Variants in PDE4D observed in about 807,000 individuals in gnomAD.
The protein encoded by PDE4D is 3',5'-cyclic-AMP phosphodiesterase 4D.
In PDE4D, 24 loss-of-function variants were observed where a neutral mutation model predicts 87.4. The observed-to-expected ratio is 0.27, with a 90% CI of 0.20 to 0.39. The LOEUF (loss-of-function observed/expected upper bound fraction) is 0.39. PDE4D is among the 10% of genes least tolerant of loss of function. The pLI is 1.00. For synonymous variants in PDE4D, 384 were observed against 383.2 expected (o/e 1.00, Z -0.02); for missense variants, 714 against 1,041.0 (o/e 0.69, Z 4.32).
chr5:60,344,004 T>C (rs1758531138), intron 1 of PDE4D, among the ~76,000 whole-genome samples: 1 of 151,906 alleles, frequency 6.6e-6, no homozygotes, highest in Non-Finnish European at 1.5e-5. Flanking sequence ...ATCCACATTT[T>C]CCAAATTAGA....
At chr5:60,257,248 GAAAGA>G (rs1554193810) in intron 1 of PDE4D, among the ~76,000 whole-genome samples, 1 of 90,216 alleles carries the variant, frequency 1.1e-5, no homozygotes, top group Admixed American at 1.1e-4. Flanking sequence ...AAGAAAGAAA[GAAAGA>G]AAAGAAAAGA....
chr5:59,383,263 G>C (rs181226203), intron 1 of PDE4D, among the ~76,000 whole-genome samples: 1 of 151,978 alleles, frequency 6.6e-6, no homozygotes, highest in Admixed American at 6.6e-5. Context: ...CCCCATTCAC[G>C]ATCTCACTTA....
At chr5:59,495,980 C>T (rs1807107627) in intron 1 of PDE4D, among the ~76,000 whole-genome samples, 1 of 152,158 alleles carries the variant, frequency 6.6e-6, no homozygotes, top group African/African-American at 2.4e-5. Flanking sequence ...CACCTTATCA[C>T]AAGGACGAGG....
chr5:59,150,233 CA>C (rs1456293731), intron 5 of PDE4D, among the ~76,000 whole-genome samples: 1 of 152,100 alleles, frequency 6.6e-6, no homozygotes, highest in Non-Finnish European at 1.5e-5. Flanking sequence ...TCAAGCTCTG[CA>C]GTAGTATCAC....
chr5:59,657,442 C>T (rs1346216113), intron 1 of PDE4D, among the ~76,000 whole-genome samples: 1 of 152,044 alleles, frequency 6.6e-6, no homozygotes, highest in African/African-American at 2.4e-5. Context: ...CTCTCCAAAT[C>T]ATTAGAGCTC....
intron 1 of PDE4D, among the ~76,000 whole-genome samples, chr5:59,621,809 A>T (rs979609139): frequency 1.3e-5 from 2 of 152,206 alleles, no homozygotes; most frequent in African/African-American, 4.8e-5. Flanking sequence ...AAAGAACAAG[A>T]ATATGATGCT....
chr5:59,519,262 T>C (rs2153672311), intron 1 of PDE4D, among the ~76,000 whole-genome samples: 1 of 152,314 alleles, frequency 6.6e-6, no homozygotes, highest in Middle Eastern at 3.4e-3. Flanking sequence ...GCTTACATTC[T>C]TGTTGGATGA....
At chr5:60,355,077 T>G (rs939206500) in intron 1 of PDE4D, among the ~76,000 whole-genome samples, 10 of 152,206 alleles carry the variant, frequency 6.6e-5, no homozygotes, top group African/African-American at 2.4e-4. Context: ...AGCTGTTTCT[T>G]TGTTACTGTT....
At chr5:60,180,970 A>G (rs115420897) in intron 2 of PDE4D, among the ~76,000 whole-genome samples, 111 of 152,274 alleles carry the variant, frequency 7.3e-4, no homozygotes, top group African/African-American at 2.6e-3. Flanking sequence ...GGTTGAATAT[A>G]GTAGAGAATT....
At chr5:60,307,357 T>C (rs1754594844) in intron 1 of PDE4D, among the ~76,000 whole-genome samples, 1 of 152,098 alleles carries the variant, frequency 6.6e-6, no homozygotes. Flanking sequence ...GACAAATGAC[T>C]AAAAGAGGTT....
intron 1 of PDE4D, among the ~76,000 whole-genome samples, chr5:59,752,293 GTCTT>G (rs1262450868): frequency 6.6e-6 from 1 of 152,116 alleles, no homozygotes; most frequent in Admixed American, 6.5e-5. Context: ...AAGTACTACT[GTCTT>G]TCAAGAGGTC....
chr5:60,514,470 G>A (rs1391062232), intron 1 of PDE4D, among the ~76,000 whole-genome samples: 1 of 152,048 alleles, frequency 6.6e-6, no homozygotes, highest in Non-Finnish European at 1.5e-5. Flanking sequence ...ATCCAGTAAT[G>A]AAACACAGTG....
At chr5:59,276,140 A>AG in intron 1 of PDE4D, 1 of 983,010 alleles carries the variant, frequency 1.0e-6, no homozygotes, top group Non-Finnish European at 1.2e-6. Context: ...AAAAAAAAAA[A>AG]AAAGAAAAGC....
chr5:59,615,765 C>G (rs1250167054), intron 1 of PDE4D, among the ~76,000 whole-genome samples: 1 of 152,054 alleles, frequency 6.6e-6, no homozygotes, highest in African/African-American at 2.4e-5. Context: ...GTTTAAAATT[C>G]TTTATACTGC....
chr5:59,845,465 TAAAC>T, intron 1 of PDE4D, among the ~76,000 whole-genome samples: 1 of 152,218 alleles, frequency 6.6e-6, no homozygotes, highest in African/African-American at 2.4e-5. Flanking sequence ...TCTTGCATGA[TAAAC>T]AAGTGTGGAT....
At chr5:59,471,086 T>TA (rs1221935969) in intron 1 of PDE4D, among the ~76,000 whole-genome samples, 4 of 151,828 alleles carry the variant, frequency 2.6e-5, no homozygotes, top group Admixed American at 2.0e-4. Flanking sequence ...TACTAAAAAT[T>TA]AAAAAATACA....
At chr5:59,310,728 C>T (rs141287021) in intron 1 of PDE4D, among the ~76,000 whole-genome samples, 33 of 152,288 alleles carry the variant, frequency 2.2e-4, no homozygotes, top group African/African-American at 6.3e-4. Flanking sequence ...ACCATTCCCA[C>T]GGGTGGCAGA....
At chr5:60,079,539 A>T (rs1018022041) in intron 2 of PDE4D, among the ~76,000 whole-genome samples, 2 of 152,020 alleles carry the variant, frequency 1.3e-5, no homozygotes, top group Non-Finnish European at 2.9e-5. Flanking sequence ...ATCCATCTTG[A>T]GTTAAATTTT....
intron 1 of PDE4D, among the ~76,000 whole-genome samples, chr5:60,476,200 C>T (rs921930842): frequency 1.3e-5 from 2 of 152,118 alleles, no homozygotes; most frequent in African/African-American, 4.8e-5. Context: ...TCATCAGTAA[C>T]TATTAAAATT....
Sources: gnomAD v4.1 joint callset for allele counts (sites outside exome capture counted in the v4.1 genomes callset) on GRCh38, gnomAD v4.1.1 for gene constraint, MANE v1.5 for transcripts, NCBI Gene and HGNC (gene_info 2026-07-23, HGNC 2026-07-21) for gene names.